The following CDC42SE2 variants were observed in gnomAD, a reference collection of about 807,000 sequenced individuals.
CDC42SE2 encodes the protein CDC42 small effector 2.
CDC42SE2 carries 3 observed loss-of-function variants against 11.5 expected under a neutral mutation model. That is an observed-to-expected ratio of 0.26 (90% CI 0.12 to 0.67). CDC42SE2 has a LOEUF of 0.67. CDC42SE2 is among the 30% of genes least tolerant of loss of function. The pLI, the probability that CDC42SE2 is intolerant of heterozygous loss-of-function variation, is 0.80. For synonymous variants in CDC42SE2, 33 were observed against 34.8 expected (o/e 0.95, Z 0.18); for missense variants, 82 against 106.8 (o/e 0.77, Z 1.02).
At chr5:131,254,270 G>C (rs1192238185) in intron 1 of CDC42SE2, among the ~76,000 whole-genome samples, 1 of 152,060 alleles carries the variant, frequency 6.6e-6, no homozygotes, top group Non-Finnish European at 1.5e-5. Flanking sequence ...GGTTGGGCAC[G>C]GTGGCTCACT....
chr5:131,251,473 G>C (rs886619151), intron 1 of CDC42SE2, among the ~76,000 whole-genome samples: 2 of 152,086 alleles, frequency 1.3e-5, no homozygotes, highest in African/African-American at 4.8e-5. Context: ...TAAGTCATCA[G>C]CCTCTTCTAA....
chr5:131,386,676 G>C (rs1750496694), intron 4 of CDC42SE2, among the ~76,000 whole-genome samples: 1 of 152,164 alleles, frequency 6.6e-6, no homozygotes, highest in Non-Finnish European at 1.5e-5. Flanking sequence ...ACCAAATGCG[G>C]GTTCTTATCA....
At chr5:131,226,462 G>A in the CDC42SE2 span, among the ~76,000 whole-genome samples, 1 of 152,166 alleles carries the variant, frequency 6.6e-6, no homozygotes, top group Non-Finnish European at 1.5e-5. Context: ...CTGATACATA[G>A]CCAAAAGTTT....
At chr5:131,248,853 A>C (rs1234066329) in intron 1 of CDC42SE2, among the ~76,000 whole-genome samples, 1 of 152,158 alleles carries the variant, frequency 6.6e-6, no homozygotes, top group Non-Finnish European at 1.5e-5. Context: ...ATGTGTAGGA[A>C]GACTTATTAT....
upstream of CDC42SE2, among the ~76,000 whole-genome samples, chr5:131,261,105 G>A (rs901427558): frequency 6.6e-6 from 1 of 151,980 alleles, no homozygotes; most frequent in African/African-American, 2.4e-5. Flanking sequence ...GTTCCTTCCT[G>A]TTGTTTTTGG....
At chr5:131,212,685 A>G in the CDC42SE2 span, among the ~76,000 whole-genome samples, 1 of 152,100 alleles carries the variant, frequency 6.6e-6, no homozygotes, top group African/African-American at 2.4e-5. Flanking sequence ...TGGCTTTCAG[A>G]TCTCTTTTCT....
At chr5:131,268,896 G>T (rs1038846896) in intron 1 of CDC42SE2, among the ~76,000 whole-genome samples, 1 of 151,138 alleles carries the variant, frequency 6.6e-6, no homozygotes, top group African/African-American at 2.4e-5. Flanking sequence ...GACTACAGGC[G>T]TGTGCCACCA....
chr5:131,318,231 G>A (rs938959459), intron 2 of CDC42SE2, among the ~76,000 whole-genome samples: 3 of 152,168 alleles, frequency 2.0e-5, no homozygotes, highest in Admixed American at 6.5e-5. Flanking sequence ...GAGCCACCAT[G>A]CCCAACCAGG....
At chr5:131,389,052 T>C (rs1359532366) in intron 4 of CDC42SE2, among the ~76,000 whole-genome samples, 1 of 152,120 alleles carries the variant, frequency 6.6e-6, no homozygotes, top group Non-Finnish European at 1.5e-5. Flanking sequence ...TCCAGGCTGG[T>C]CTCAAACTCC....
chr5:131,336,927 A>G (rs1000186050), intron 2 of CDC42SE2, among the ~76,000 whole-genome samples: 1 of 152,178 alleles, frequency 6.6e-6, no homozygotes, highest in Admixed American at 6.5e-5. Context: ...TTCCTCCGTT[A>G]GCACAGAGTA....
intron 2 of CDC42SE2, among the ~76,000 whole-genome samples, chr5:131,355,400 C>T (rs904749546): frequency 1.3e-5 from 2 of 151,762 alleles, no homozygotes; most frequent in African/African-American, 4.8e-5. Context: ...TCATTTGAAC[C>T]CGAGAGGTCA....
At chr5:131,240,027 G>A in the CDC42SE2 span, among the ~76,000 whole-genome samples, 1 of 152,106 alleles carries the variant, frequency 6.6e-6, no homozygotes, top group African/African-American at 2.4e-5. Context: ...TGGCTATTGG[G>A]GTGAACATTT....
At chr5:131,337,832 G>C (rs1758611898) in intron 2 of CDC42SE2, among the ~76,000 whole-genome samples, 1 of 152,200 alleles carries the variant, frequency 6.6e-6, no homozygotes, top group South Asian at 2.1e-4. Context: ...ACAGCATTAG[G>C]GTGGGAGTTA....
chr5:131,318,602 G>A (rs1443616311), intron 2 of CDC42SE2, among the ~76,000 whole-genome samples: 1 of 152,210 alleles, frequency 6.6e-6, no homozygotes, highest in East Asian at 1.9e-4. Context: ...CACTGAGTGA[G>A]TAGAGCAGAG....
intron 1 of CDC42SE2, among the ~76,000 whole-genome samples, chr5:131,283,856 A>C (rs1247351525): frequency 1.3e-5 from 2 of 152,178 alleles, no homozygotes; most frequent in Non-Finnish European, 2.9e-5. Context: ...TTATTTGTCC[A>C]TTTATCAGTG....
chr5:131,363,096 A>G (rs922312746), intron 3 of CDC42SE2, among the ~76,000 whole-genome samples: 1 of 151,896 alleles, frequency 6.6e-6, no homozygotes, highest in Non-Finnish European at 1.5e-5. Context: ...GTGAGCTGAG[A>G]TTGCGCCGCT....
At chr5:131,291,175 C>T (rs1041948592) in intron 1 of CDC42SE2, among the ~76,000 whole-genome samples, 1 of 151,938 alleles carries the variant, frequency 6.6e-6, no homozygotes, top group South Asian at 2.1e-4. Flanking sequence ...ATCTTAATCA[C>T]TTATAAAATG....
chr5:131,332,157 C>T (rs941293464), intron 2 of CDC42SE2, among the ~76,000 whole-genome samples: 11 of 152,086 alleles, frequency 7.2e-5, no homozygotes, highest in Non-Finnish European at 1.6e-4. Context: ...GTGATGTTCC[C>T]CTTCCTGTGT....
chr5:131,391,118 C>CAG lies in CDC42SE2; in HGVS notation c.*30_*31dup, dbSNP rs1432392884. ...CCTGGTCCTTTCTCCAGTGAGTACT[C>CAG]AGAGCTGGGGTCTGGACCTGACGGC... On this transcript the variant is annotated 3_prime_UTR_variant, in exon 5 of 5. Coordinates refer to ENST00000505065, the MANE Select transcript of CDC42SE2 (RefSeq NM_001375635.1). 6.4e-7 allele frequency: 1 copy of CAG among 1,561,236 alleles called. No homozygotes were observed. Among genetic ancestry groups the CAG allele is most frequent in the Admixed American group, 1.7e-5 (1 of 59,772 alleles).
Sources: allele counts gnomAD v4.1 joint callset (sites outside exome capture counted in the v4.1 genomes callset), GRCh38; gene constraint gnomAD v4.1.1; transcripts MANE v1.5; gene names NCBI Gene and HGNC (gene_info 2026-07-23, HGNC 2026-07-21).